The following NKD1 variants were observed in gnomAD, a reference collection of about 807,000 sequenced individuals.
The protein encoded by NKD1 is NKD inhibitor of Wnt signaling pathway 1, also known as protein naked cuticle homolog 1.
In NKD1, 21 loss-of-function variants were observed where a neutral mutation model predicts 56.0. The observed-to-expected ratio is 0.38, with a 90% CI of 0.27 to 0.54. The LOEUF is 0.54. NKD1 is among the 20% of genes least tolerant of loss of function. The pLI is 0.82. For synonymous variants in NKD1, 263 were observed against 265.7 expected (o/e 0.99, Z 0.10); for missense variants, 578 against 642.7 (o/e 0.90, Z 1.09).
At position 50,611,633 on chromosome 16, in the gene NKD1, G is replaced by A. The variant is rs114721765; in HGVS notation, c.259+3273G>A. ...TGGTGGGGGCTGAGCAGCACTCGGG[G>A]AGCTCGGGGCCTGTTCAGCTCTGCA... On this transcript the variant is annotated intron_variant, in intron 4 of 9. Coordinates refer to ENST00000268459, the MANE Select transcript of NKD1 (RefSeq NM_033119.5). 7.7e-3 allele frequency among the ~76,000 whole-genome samples: 1,170 copies of A among 152,306 alleles called. 10 individuals are homozygous for A. Among genetic ancestry groups the A allele is most frequent in the African/African-American group, 0.026 (1,079 of 41,548 alleles).
intron 6 of NKD1, among the ~76,000 whole-genome samples, chr16:50,626,362 C>T (rs903051252): frequency 6.6e-6 from 1 of 152,122 alleles, no homozygotes; most frequent in Non-Finnish European, 1.5e-5. Context: ...TAACTGTGAG[C>T]GGTGATGTGT....
rs181299447 is a variant in NKD1, at chr16:50,619,521, A to G, written c.260-2081A>G. ...AAAGCTGCCCGCACAGGCTGTATGTATTTAATATAATGCTTTTGTGTCCAT... is the reference window on the plus strand; with the variant it reads ...AAAGCTGCCCGCACAGGCTGTATGTGTTTAATATAATGCTTTTGTGTCCAT... On this transcript the variant is annotated intron_variant, in intron 4 of 9. Coordinates refer to ENST00000268459, the MANE Select transcript of NKD1 (RefSeq NM_033119.5). Among the ~76,000 whole-genome samples, 4 of 152,290 alleles carry G rather than the reference A, an allele frequency of 2.6e-5. No individual in the cohort carries two copies. In the East Asian group the frequency reaches 7.7e-4, roughly 29 times the overall value.
At chr16:50,620,970 ATG>A (rs1322730635) in intron 4 of NKD1, among the ~76,000 whole-genome samples, 14 of 152,202 alleles carry the variant, frequency 9.2e-5, no homozygotes, top group Admixed American at 4.6e-4. Context: ...GTGTGTGTGC[ATG>A]TGTGAGTGTG....
chr16:50,627,009 T>G (rs956148396), intron 6 of NKD1, among the ~76,000 whole-genome samples: 1 of 152,196 alleles, frequency 6.6e-6, no homozygotes, highest in African/African-American at 2.4e-5. Context: ...ATATGTGAAT[T>G]CTGGGTTAAC....
intron 6 of NKD1, among the ~76,000 whole-genome samples, chr16:50,627,101 G>A (rs766566682): frequency 2.9e-4 from 44 of 152,170 alleles, no homozygotes; most frequent in Admixed American, 1.8e-3. Flanking sequence ...AAGCACCCAG[G>A]ACTCTGACAT....
chr16:50,574,683 G>A (rs752998126), intron 3 of NKD1: 356 of 985,402 alleles, frequency 3.6e-4, no homozygotes, highest in Non-Finnish European at 4.0e-4. Context: ...TCCTTGCCTC[G>A]TTGTCGTCCC....
intron 2 of NKD1, among the ~76,000 whole-genome samples, chr16:50,549,181 C>G (rs898101053): frequency 6.6e-6 from 1 of 151,472 alleles, no homozygotes; most frequent in Admixed American, 6.6e-5. Context: ...ATCCTAAACC[C>G]GTCCTCCTGG....
intron 3 of NKD1, among the ~76,000 whole-genome samples, chr16:50,600,738 G>A (rs1425913225): frequency 6.6e-6 from 1 of 152,166 alleles, no homozygotes; most frequent in Non-Finnish European, 1.5e-5. Flanking sequence ...CCCGTCTCTA[G>A]GGATTATGAG....
At chr16:50,622,698 T>C (rs553282645) in intron 5 of NKD1, among the ~76,000 whole-genome samples, 2 of 152,354 alleles carry the variant, frequency 1.3e-5, no homozygotes, top group African/African-American at 4.8e-5. Flanking sequence ...CATGAGTTCG[T>C]GCGCCTAAAG....
chr16:50,580,757 C>T (rs1282310433), intron 3 of NKD1, among the ~76,000 whole-genome samples: 1 of 152,206 alleles, frequency 6.6e-6, no homozygotes, highest in Non-Finnish European at 1.5e-5. Flanking sequence ...GCATCAACCT[C>T]TTAGCCTGGC....
chr16:50,582,804 C>T (rs1036738035), intron 3 of NKD1, among the ~76,000 whole-genome samples: 16 of 152,228 alleles, frequency 1.1e-4, no homozygotes, highest in South Asian at 4.2e-4. Context: ...GTCAGGAGTT[C>T]GAGACTAGCC....
chr16:50,563,524 A>C (rs945909118), intron 3 of NKD1, among the ~76,000 whole-genome samples: 4 of 147,628 alleles, frequency 2.7e-5, no homozygotes, highest in Non-Finnish European at 4.5e-5. Flanking sequence ...GCTAAACTCC[A>C]TCCTCAATGG....
At position 50,633,202 on chromosome 16, in the gene NKD1, C is replaced by T. The variant is rs147521261; in HGVS notation, c.834C>T (p.Ser278=). Residue 278 remains serine (S), a synonymous_variant, in exon 10 of 10, where the codon TCC becomes TCT. Coordinates refer to ENST00000268459, the MANE Select transcript of NKD1 (RefSeq NM_033119.5). This position sits in a 1 kb window ranked among gnomAD's most constrained non-coding sequence, Gnocchi z 4.9. ...TGAATTGGTTCCTAGGCTCCCCTTC[C>T]GTGGCCCAGAAGTCAGAACTGCCCC... The part of the protein sequence containing the change: ...YTSQFGPGSP[S]VAQKSELPPR... The T allele has an allele frequency of 1.3e-5, 21 of 1,603,720 alleles. No individual in the cohort carries two copies. The highest frequency in any genetic ancestry group is 1.0e-4 in the South Asian group (9 of 90,172).
intron 3 of NKD1, among the ~76,000 whole-genome samples, chr16:50,576,812 C>A (rs1596715848): frequency 6.7e-6 from 1 of 149,776 alleles, no homozygotes; most frequent in Admixed American, 6.6e-5. Flanking sequence ...AGTTATTTAC[C>A]AAGTATACTC....
intron 3 of NKD1, chr16:50,562,298 C>T (rs1225312491): frequency 1.0e-6 from 1 of 981,098 alleles, no homozygotes; most frequent in Non-Finnish European, 1.2e-6. Context: ...CTATTCAGGC[C>T]TGTGTCACTG....
intron 3 of NKD1, among the ~76,000 whole-genome samples, chr16:50,592,221 G>A (rs1272730509): frequency 2.6e-5 from 4 of 152,222 alleles, no homozygotes; most frequent in South Asian, 4.1e-4. Context: ...AGGCCAGCGC[G>A]TTGCTGCTGC....
At chr16:50,620,792 T>C (rs1406447905) in intron 4 of NKD1, among the ~76,000 whole-genome samples, 2 of 151,908 alleles carry the variant, frequency 1.3e-5, no homozygotes, top group African/African-American at 4.8e-5. Context: ...CTCAGGAAAA[T>C]AGTGTCAGTA....
chr16:50,597,702 C>T (rs139665935), intron 3 of NKD1, among the ~76,000 whole-genome samples: 1 of 152,188 alleles, frequency 6.6e-6, no homozygotes, highest in South Asian at 2.1e-4. Flanking sequence ...TCCCAAATGG[C>T]CCCTCTCACC....
intron 3 of NKD1, among the ~76,000 whole-genome samples, chr16:50,584,074 C>T (rs769716979): frequency 4.6e-5 from 7 of 152,152 alleles, no homozygotes; most frequent in Admixed American, 1.3e-4. Flanking sequence ...CCCACATCTG[C>T]GAGTAGGTGG....
Sources: gnomAD v4.1 joint callset for allele counts (sites outside exome capture counted in the v4.1 genomes callset) on GRCh38, gnomAD v4.1.1 for gene constraint, Gnocchi (gnomAD v3.1) non-coding constraint, MANE v1.5 for transcripts, NCBI Gene and HGNC (gene_info 2026-07-23, HGNC 2026-07-21) for gene names.